TRMT11: variants seen among roughly 807,000 people sequenced by gnomAD.
TRMT11 encodes tRNA (guanine(10)-N(2))-methyltransferase TRMT11.
In TRMT11, 53 loss-of-function variants were observed where a neutral mutation model predicts 62.8. The observed-to-expected ratio is 0.84, with a 90% CI of 0.68 to 1.06. The LOEUF is 1.06. TRMT11 is among the 50% of genes least tolerant of loss of function. The pLI, the probability that TRMT11 is intolerant of heterozygous loss-of-function variation, is 0.00. For missense variants in TRMT11, 556 were observed against 553.4 expected, an observed-to-expected ratio of 1.00 and a Z score of -0.05; for synonymous variants, 188 against 190.3, an observed-to-expected ratio of 0.99 and a Z score of 0.10.
intron 17 of TRMT11, among the ~76,000 whole-genome samples, chr6:126,078,030 C>G (rs539648606): frequency 6.6e-6 from 1 of 152,090 alleles, no homozygotes; most frequent in Non-Finnish European, 1.5e-5. Context: ...AATGCATCAC[C>G]CCACTGAGGA....
At chr6:126,271,923 C>T in the TRMT11 span, among the ~76,000 whole-genome samples, 1 of 152,278 alleles carries the variant, frequency 6.6e-6, no homozygotes, top group Non-Finnish European at 1.5e-5. Flanking sequence ...AGATAGCAGA[C>T]TGCATGGACA....
intron 1 of TRMT11, among the ~76,000 whole-genome samples, chr6:126,191,144 GTGA>G (rs1778594043): frequency 1.3e-5 from 2 of 152,098 alleles, no homozygotes; most frequent in African/African-American, 4.8e-5. Flanking sequence ...TAACTGAGGT[GTGA>G]TGATATCTCC....
intron 21 of TRMT11, among the ~76,000 whole-genome samples, chr6:126,157,604 G>A (rs1002327086): frequency 9.9e-5 from 15 of 152,210 alleles, no homozygotes; most frequent in African/African-American, 3.1e-4. Context: ...ACAATTTGAA[G>A]TTTACCTGTG....
the TRMT11 span, among the ~76,000 whole-genome samples, chr6:126,229,172 A>G: frequency 3.3e-5 from 5 of 152,350 alleles, no homozygotes; most frequent in African/African-American, 1.2e-4. Flanking sequence ...TGACATTTTA[A>G]ACAGAGGTTT....
intron 17 of TRMT11, among the ~76,000 whole-genome samples, chr6:126,086,575 C>G (rs973268951): frequency 6.6e-6 from 1 of 152,308 alleles, no homozygotes; most frequent in African/African-American, 2.4e-5. Context: ...TCCCTGCCTT[C>G]AGTCCATTTT....
intron 1 of TRMT11, among the ~76,000 whole-genome samples, chr6:125,989,278 C>T (rs1189303933): frequency 6.6e-6 from 1 of 151,970 alleles, no homozygotes; most frequent in Non-Finnish European, 1.5e-5. Context: ...CAGGCTTGCA[C>T]CACCATGCCC....
intron 21 of TRMT11, among the ~76,000 whole-genome samples, chr6:126,153,477 G>A (rs756447175): frequency 6.6e-6 from 1 of 152,180 alleles, no homozygotes; most frequent in Non-Finnish European, 1.5e-5. Flanking sequence ...AAGTTTCAAT[G>A]TGTACGTTCA....
the TRMT11 span, among the ~76,000 whole-genome samples, chr6:126,259,492 T>G: frequency 4.6e-5 from 7 of 152,226 alleles, no homozygotes; most frequent in Admixed American, 4.6e-4. Flanking sequence ...CCACCGCACC[T>G]GGCCTGCACC....
chr6:126,253,671 T>C, the TRMT11 span, among the ~76,000 whole-genome samples: 2 of 152,296 alleles, frequency 1.3e-5, no homozygotes, highest in South Asian at 4.1e-4. Context: ...CATCGTCATA[T>C]ATGCAGTCTG....
chr6:126,042,281 C>T (rs750993318), downstream of TRMT11, among the ~76,000 whole-genome samples: 3 of 152,152 alleles, frequency 2.0e-5, no homozygotes, highest in African/African-American at 4.8e-5. Flanking sequence ...ATCTGCCTTA[C>T]GATGTTCATA....
the TRMT11 span, among the ~76,000 whole-genome samples, chr6:126,255,157 T>C: frequency 6.6e-6 from 1 of 152,222 alleles, no homozygotes; most frequent in Admixed American, 6.5e-5. Flanking sequence ...TCTAAATTCT[T>C]TGTCTGATAT....
At chr6:126,089,206 CG>C (rs781353368) in intron 17 of TRMT11, among the ~76,000 whole-genome samples, 2 of 151,818 alleles carry the variant, frequency 1.3e-5, no homozygotes, top group Non-Finnish European at 2.9e-5. Flanking sequence ...TTCCATCTCC[CG>C]GGTTTGAGTA....
At chr6:126,190,673 T>A (rs1778588117) in intron 1 of TRMT11, among the ~76,000 whole-genome samples, 1 of 152,194 alleles carries the variant, frequency 6.6e-6, no homozygotes, top group Non-Finnish European at 1.5e-5. Context: ...AACTCCCACC[T>A]ATGAGTGAGA....
intron 21 of TRMT11, among the ~76,000 whole-genome samples, chr6:126,147,292 C>T (rs1777985095): frequency 6.6e-6 from 1 of 152,062 alleles, no homozygotes. Flanking sequence ...AATCTCATTT[C>T]ATTTTTTAGC....
chr6:126,237,595 C>T, the TRMT11 span, among the ~76,000 whole-genome samples: 1 of 152,032 alleles, frequency 6.6e-6, no homozygotes, highest in Non-Finnish European at 1.5e-5. Flanking sequence ...GGGGGAGGAT[C>T]ACCTGAGCCT....
intron 16 of TRMT11, among the ~76,000 whole-genome samples, chr6:126,045,265 G>A (rs1383434905): frequency 6.6e-6 from 1 of 152,050 alleles, no homozygotes; most frequent in East Asian, 1.9e-4. Context: ...ATGTGACCTA[G>A]GAGTATGTCT....
the TRMT11 span, among the ~76,000 whole-genome samples, chr6:126,259,948 T>C: frequency 6.6e-6 from 1 of 152,170 alleles, no homozygotes; most frequent in African/African-American, 2.4e-5. Context: ...TTTTAGTCTG[T>C]TTGTCTTTAC....
the TRMT11 span, among the ~76,000 whole-genome samples, chr6:126,255,185 G>T: frequency 6.6e-6 from 1 of 152,066 alleles, no homozygotes; most frequent in Non-Finnish European, 1.5e-5. Flanking sequence ...TTAGTTAAGA[G>T]AAAATAAAAG....
At chr6:126,198,838 A>C (rs1778701709) in exon 2 of TRMT11, 1 of 152,070 alleles carries the variant, frequency 6.6e-6, no homozygotes, top group South Asian at 2.1e-4. Flanking sequence ...AATCATCATC[A>C]TGGGGGAGAA....
Sources: gnomAD v4.1 joint callset for allele counts (sites outside exome capture counted in the v4.1 genomes callset) on GRCh38, gnomAD v4.1.1 for gene constraint, MANE v1.5 for transcripts, NCBI Gene and HGNC (gene_info 2026-07-23, HGNC 2026-07-21) for gene names.